The following FMO4 variants were observed in gnomAD, a reference collection of about 807,000 sequenced individuals.
FMO4 encodes the protein flavin containing dimethylaniline monoxygenase 4.
Under a neutral mutation model 43.3 loss-of-function variants are expected in FMO4, and 38 were observed. The observed-to-expected ratio is 0.88, with a 90% CI of 0.68 to 1.15. The LOEUF (loss-of-function observed/expected upper bound fraction) is 1.15, where lower values mean the gene tolerates loss of function less well. FMO4 is among the 50% of genes most tolerant of loss of function. FMO4 has a pLI of 0.00. For missense variants in FMO4, 631 were observed against 663.3 expected, an observed-to-expected ratio of 0.95 and a Z score of 0.54; for synonymous variants, 224 against 232.2, an observed-to-expected ratio of 0.96 and a Z score of 0.32.
Position 171,341,768 on chromosome 1 carries a change from T to C in FMO4, c.1606T>C (p.Phe536Leu), listed in dbSNP as rs45487792. The change falls in exon 10 of 10, where the codon TTC (phenylalanine) becomes CTC (leucine). Residue 536 changes from phenylalanine to leucine, a missense_variant. By Grantham distance (22) the Phe-to-Leu change is conservative. Transcript: ENST00000367749. The stretch of plus-strand genomic sequence containing the variant: ...TCTACTTATCTGTAAATCTTCACTT[T>C]TCTTGAAATTGGTGAGAGATAAACT... ...SLLLICKSSL[F>L]LKLVRDKLQD... 49 of 1,613,910 alleles carry C rather than the reference T, an allele frequency of 3.0e-5. No homozygotes were observed. In the Admixed American group the frequency reaches 4.0e-4, roughly 13 times the overall value.
Position 171,334,561 on chromosome 1 carries a change from C to G in FMO4, c.978C>G (p.Phe326Leu). The G allele has an allele frequency of 6.2e-7, 1 of 1,613,730 alleles. No individual in the cohort carries two copies. Among genetic ancestry groups the G allele is most frequent in the Non-Finnish European group, 8.5e-7 (1 of 1,179,658 alleles). The change falls in exon 8 of 10, where the codon TTC (phenylalanine) becomes TTG (leucine). Residue 326 changes from phenylalanine (F) to leucine (L), a missense_variant. Coordinates refer to ENST00000367749, the MANE Select transcript of FMO4 (RefSeq NM_002022.3). The stretch of plus-strand genomic sequence containing the variant: ...AAGAAAACATTGATGTTGTGATCTT[C>G]ACTACAGGATATACATTTTCTTTTC... Reference protein sequence around the residue: ...TVEENIDVVIFTTGYTFSFPF... With the variant: ...TVEENIDVVILTTGYTFSFPF...
At chr1:171,332,957 C>A in intron 7 of FMO4, 49 bp downstream of exon 7, 2 of 847,278 alleles carry the variant, frequency 2.4e-6, no homozygotes, top group Non-Finnish European at 3.9e-6. Context: ...CAATATTTAT[C>A]ATTACATTTT....
At chr1:171,324,780 G>GA (rs1276728674) in intron 5 of FMO4, among the ~76,000 whole-genome samples, 6 of 151,246 alleles carry the variant, frequency 4.0e-5, no homozygotes, top group African/African-American at 7.3e-5. Context: ...CTTTAAAAGG[G>GA]AAAAAAAAGC....
At chr1:171,334,136 G>A (rs1663013550) in intron 7 of FMO4, among the ~76,000 whole-genome samples, 1 of 152,168 alleles carries the variant, frequency 6.6e-6, no homozygotes, top group South Asian at 2.1e-4. Flanking sequence ...TCTGAGAAAA[G>A]CATTGCTCCA....
intron 6 of FMO4, 88 bp downstream of exon 6, chr1:171,331,870 C>T (rs1328944496): frequency 7.7e-6 from 9 of 1,161,932 alleles, no homozygotes; most frequent in Non-Finnish European, 1.1e-5. Context: ...GTACATTGGC[C>T]AATTGCTAAA....
intron 3 of FMO4, among the ~76,000 whole-genome samples, chr1:171,321,581 T>A (rs529454906): frequency 5.6e-4 from 85 of 152,346 alleles, no homozygotes; most frequent in African/African-American, 1.8e-3. Flanking sequence ...GTTCAATACA[T>A]ATGGAAGCAT....
Position 171,341,887 on chromosome 1 carries a change from A to C in FMO4, c.*48A>C. 6.7e-7 allele frequency: 1 copy of C among 1,482,638 alleles called. No individual in the cohort carries two copies. 91.8% of individuals were successfully genotyped at this position (1,482,638 alleles called of 1,614,324 possible). On this transcript the variant is annotated 3_prime_UTR_variant, in exon 10 of 10. Transcript: ENST00000367749. ...ACAAAGTCATGCTAATTCTATCTCC[A>C]AGTATCTTGTGCATCCCTCCTCTGC...
intron 3 of FMO4, among the ~76,000 whole-genome samples, chr1:171,322,255 G>A (rs930385314): frequency 1.3e-5 from 2 of 152,048 alleles, no homozygotes; most frequent in Admixed American, 6.6e-5. Context: ...GGGAATATAC[G>A]GAGACAATAA....
At chr1:171,318,083 A>T (rs1571386862) in intron 2 of FMO4, among the ~76,000 whole-genome samples, 1 of 152,162 alleles carries the variant, frequency 6.6e-6, no homozygotes, top group East Asian at 1.9e-4. Flanking sequence ...TGGGAGGCTG[A>T]GGCCAGCAGA....
chr1:171,331,704 G>C lies in FMO4; in HGVS notation c.549G>C (p.Gln183His), dbSNP rs553652535. The change falls in exon 6 of 10, where the codon CAG (glutamine) becomes CAC (histidine). Residue 183 changes from glutamine to histidine, a missense_variant. Physicochemically the swap from Gln to His is conservative, Grantham distance 24. Transcript: ENST00000367749. Reference sequence around the variant, plus strand: ...AGTACAAGATCCCAGAAGGCTTTCAGGGCAAACGCGTCTTGGTGATTGGTC... The same window carrying C: ...AGTACAAGATCCCAGAAGGCTTTCACGGCAAACGCGTCTTGGTGATTGGTC... ...SQEYKIPEGF[Q>H]GKRVLVIGLG... is the part of the protein sequence containing the mutation. 2 of 1,613,958 alleles carry C rather than the reference G, an allele frequency of 1.2e-6. No individual in the cohort carries two copies. The highest frequency in any genetic ancestry group is 2.2e-5 in the South Asian group (2 of 91,064).
chr1:171,336,531 C>T (rs528650936), intron 8 of FMO4, among the ~76,000 whole-genome samples: 5 of 152,050 alleles, frequency 3.3e-5, no homozygotes, highest in East Asian at 1.9e-4. Context: ...AGACTGACTG[C>T]GAAACTGCCA....
chr1:171,322,919 G>A, intron 3 of FMO4, 85 bp from the exon 4 acceptor site: 1 of 958,200 alleles, frequency 1.0e-6, no homozygotes, highest in Non-Finnish European at 1.6e-6. Flanking sequence ...CCCGCCCTCA[G>A]TGAGGCTAGC....
chr1:171,321,431 A>G (rs982000138), intron 3 of FMO4, among the ~76,000 whole-genome samples: 1 of 152,202 alleles, frequency 6.6e-6, no homozygotes, highest in Admixed American at 6.6e-5. Context: ...TAATATTTGC[A>G]TGTAGCCTAC....
chr1:171,324,415 C>T, intron 5 of FMO4, 115 bp downstream of exon 5: 1 of 767,664 alleles, frequency 1.3e-6, no homozygotes, highest in Non-Finnish European at 2.0e-6. Flanking sequence ...TATATTCATT[C>T]TCAAAAATAA....
At chr1:171,327,451 TTTGG>T (rs1571399525) in intron 5 of FMO4, among the ~76,000 whole-genome samples, 1 of 152,126 alleles carries the variant, frequency 6.6e-6, no homozygotes, top group South Asian at 2.1e-4. Context: ...GTTTTGTTTG[TTTGG>T]TTGGTTGGTT....
Position 171,342,055 on chromosome 1 carries a change from T to C in FMO4, c.*216T>C. 1.9e-6 allele frequency: 1 copy of C among 526,624 alleles called. No individual in the cohort carries two copies. Among genetic ancestry groups the C allele is most frequent in the Non-Finnish European group, 3.4e-6 (1 of 296,926 alleles). 32.6% of individuals were successfully genotyped at this position (526,624 alleles called of 1,614,324 possible). Reference sequence around the variant, plus strand: ...TTCTACCCTGCTACCTCAGTGATTATTCTAAAATAAATATATATGATATGG... The same window carrying C: ...TTCTACCCTGCTACCTCAGTGATTACTCTAAAATAAATATATATGATATGG... On this transcript the variant is annotated 3_prime_UTR_variant, in exon 10 of 10. Transcript: ENST00000367749.
chr1:171,318,851 C>G (rs1008577190), intron 2 of FMO4, among the ~76,000 whole-genome samples: 3 of 152,138 alleles, frequency 2.0e-5, no homozygotes, highest in African/African-American at 7.2e-5. Context: ...CCTGAGCCCC[C>G]GCAGAACTTG....
At position 171,342,003 on chromosome 1, in the gene FMO4, C is replaced by T; in HGVS notation, c.*164C>T. On this transcript the variant is annotated 3_prime_UTR_variant, in exon 10 of 10. Coordinates refer to ENST00000367749, the MANE Select transcript of FMO4 (RefSeq NM_002022.3). ...TCTTCTTCTTTGTTTTCAGTACCCT[C>T]TTTCTTGCCACCCTTTCCAATGCAT... 1 of 596,856 alleles carries T rather than the reference C, an allele frequency of 1.7e-6. No individual in the cohort carries two copies. The highest frequency in any genetic ancestry group is 2.9e-6 in the Non-Finnish European group (1 of 341,634). The allele number at this position is 596,856 out of a possible 1,614,324, so 37.0% of individuals were successfully genotyped here.
chr1:171,324,266 C>T lies in FMO4; in HGVS notation c.450C>T (p.Phe150=), dbSNP rs1422411207. The part of the protein sequence containing the change: ...FDAVMVCTGH[F]LNPHLPLEAF... ...CTGTTATGGTTTGCACTGGACATTT[C>T]CTGAATCCCCATTTACCTTTGGAAG... Residue 150 remains phenylalanine, a synonymous_variant, in exon 5 of 10, where the codon TTC becomes TTT. Transcript: ENST00000367749. 1.2e-6 allele frequency: 2 copies of T among 1,611,718 alleles called. No individual in the cohort carries two copies. Among genetic ancestry groups the T allele is most frequent in the South Asian group, 2.2e-5 (2 of 90,670 alleles).
Sources: allele counts gnomAD v4.1 joint callset (sites outside exome capture counted in the v4.1 genomes callset), GRCh38; gene constraint gnomAD v4.1.1; transcripts MANE v1.5; gene names NCBI Gene and HGNC (gene_info 2026-07-23, HGNC 2026-07-21).